Variants in SPAG16 observed in about 807,000 individuals in gnomAD.
The protein encoded by SPAG16 is sperm associated antigen 16.
A neutral mutation model predicts 80.4 loss-of-function variants in SPAG16; 86 were observed. The observed-to-expected ratio is 1.07, with a 90% CI of 0.90 to 1.28. SPAG16 has a LOEUF of 1.28. Among genes scored for constraint, SPAG16 ranks in the 50% most tolerant of loss-of-function variants. The probability of loss-of-function intolerance (pLI) is 0.00; values close to 1 mark genes in which losing one functional copy is unlikely to be tolerated. For missense variants in SPAG16, 870 were observed against 765.3 expected, an observed-to-expected ratio of 1.14 and a Z score of -1.61; for synonymous variants, 294 against 265.9, an observed-to-expected ratio of 1.11 and a Z score of -1.03.
intron 13 of SPAG16, among the ~76,000 whole-genome samples, chr2:214,059,775 A>G (rs1268691488): frequency 6.6e-6 from 1 of 151,450 alleles, no homozygotes; most frequent in Non-Finnish European, 1.5e-5. Flanking sequence ...TTTTCATTAT[A>G]TGTGCCCCCA....
At chr2:213,894,561 C>A (rs998594123) in intron 11 of SPAG16, among the ~76,000 whole-genome samples, 1 of 152,040 alleles carries the variant, frequency 6.6e-6, no homozygotes, top group African/African-American at 2.4e-5. Context: ...TACCACTTTA[C>A]CACTCTTATT....
At chr2:214,151,079 T>C (rs947733052) in intron 15 of SPAG16, among the ~76,000 whole-genome samples, 7 of 152,070 alleles carry the variant, frequency 4.6e-5, no homozygotes, top group Admixed American at 2.6e-4. Context: ...CAACCTGACC[T>C]TCCCATCCCT....
At chr2:213,911,384 A>G (rs1294003153) in intron 11 of SPAG16, among the ~76,000 whole-genome samples, 1 of 152,130 alleles carries the variant, frequency 6.6e-6, no homozygotes, top group Admixed American at 6.6e-5. Context: ...AGCTCAAGCA[A>G]TCTCCCTGCC....
intron 10 of SPAG16, among the ~76,000 whole-genome samples, chr2:213,763,060 A>G (rs1327664128): frequency 6.6e-6 from 1 of 152,224 alleles, no homozygotes; most frequent in Non-Finnish European, 1.5e-5. Flanking sequence ...CACCAGAGAA[A>G]TGCAAGTCAA....
intron 10 of SPAG16, among the ~76,000 whole-genome samples, chr2:213,705,228 A>G (rs900566996): frequency 2.0e-5 from 3 of 151,950 alleles, no homozygotes; most frequent in Non-Finnish European, 4.4e-5. Flanking sequence ...AGCCTGGGCA[A>G]CAGAGCAAGA....
intron 13 of SPAG16, among the ~76,000 whole-genome samples, chr2:214,081,888 G>A (rs1485753073): frequency 6.6e-6 from 1 of 151,668 alleles, no homozygotes; most frequent in Non-Finnish European, 1.5e-5. Context: ...AGAGGATTCA[G>A]GGAAAGAGGG....
chr2:213,795,804 G>T (rs926519439), intron 10 of SPAG16, among the ~76,000 whole-genome samples: 3 of 152,096 alleles, frequency 2.0e-5, no homozygotes, highest in East Asian at 3.9e-4. Context: ...CACATAAAAC[G>T]TACCTGCTTT....
At chr2:214,275,675 T>A (rs940438652) in intron 15 of SPAG16, among the ~76,000 whole-genome samples, 1 of 152,232 alleles carries the variant, frequency 6.6e-6, no homozygotes, top group African/African-American at 2.4e-5. Context: ...TTGTGATTTC[T>A]GTTCTTTTAC....
At chr2:214,119,701 T>C (rs913383493) in intron 14 of SPAG16, among the ~76,000 whole-genome samples, 3 of 152,102 alleles carry the variant, frequency 2.0e-5, no homozygotes, top group Non-Finnish European at 4.4e-5. Context: ...TTATTATTTC[T>C]TTGCCTATAA....
chr2:214,369,981 AACT>A (rs908540782), intron 15 of SPAG16, among the ~76,000 whole-genome samples: 2 of 152,108 alleles, frequency 1.3e-5, no homozygotes, highest in African/African-American at 2.4e-5. Context: ...GAATGTTGAA[AACT>A]CTTTTTTCAA....
intron 10 of SPAG16, among the ~76,000 whole-genome samples, chr2:213,685,984 G>A (rs996829567): frequency 6.6e-6 from 1 of 152,160 alleles, no homozygotes; most frequent in Admixed American, 6.5e-5. Flanking sequence ...TTTAAAAAGT[G>A]TGAAATTTAA....
At chr2:214,274,225 T>C (rs1227357680) in intron 15 of SPAG16, among the ~76,000 whole-genome samples, 2 of 152,194 alleles carry the variant, frequency 1.3e-5, no homozygotes, top group East Asian at 3.9e-4. Flanking sequence ...TAATATACAA[T>C]CATGTCATCT....
intron 10 of SPAG16, among the ~76,000 whole-genome samples, chr2:213,761,411 A>G (rs2068649893): frequency 6.6e-6 from 1 of 152,214 alleles, no homozygotes; most frequent in South Asian, 2.1e-4. Flanking sequence ...AAATTCGACC[A>G]GAGATAAACA....
At chr2:214,322,601 T>C (rs565888385) in intron 15 of SPAG16, among the ~76,000 whole-genome samples, 28 of 151,936 alleles carry the variant, frequency 1.8e-4, no homozygotes, top group African/African-American at 6.0e-4. Context: ...AAAGTTGGGG[T>C]ATATTTTAGA....
intron 12 of SPAG16, among the ~76,000 whole-genome samples, chr2:213,944,671 G>A (rs941152474): frequency 4.0e-5 from 6 of 149,330 alleles, no homozygotes; most frequent in Admixed American, 4.0e-4. Context: ...GACATGAATT[G>A]TGGGGGGCTG....
chr2:213,691,555 A>T (rs1015300407), intron 10 of SPAG16, among the ~76,000 whole-genome samples: 12 of 152,168 alleles, frequency 7.9e-5, no homozygotes, highest in Admixed American at 3.3e-4. Flanking sequence ...GTGAGAGCCA[A>T]CTAGATCAGC....
intron 10 of SPAG16, among the ~76,000 whole-genome samples, chr2:213,515,421 C>T (rs2075383867): frequency 6.6e-6 from 1 of 152,158 alleles, no homozygotes; most frequent in Non-Finnish European, 1.5e-5. Context: ...ACCTCCCTAG[C>T]TAGTCTATTG....
intron 9 of SPAG16, among the ~76,000 whole-genome samples, chr2:213,377,114 C>T (rs955264241): frequency 6.6e-6 from 1 of 152,168 alleles, no homozygotes. Flanking sequence ...CTACCTTACA[C>T]TGAGTTGATA....
chr2:214,050,481 C>T (rs2049583786), intron 13 of SPAG16, among the ~76,000 whole-genome samples: 1 of 152,052 alleles, frequency 6.6e-6, no homozygotes, highest in Non-Finnish European at 1.5e-5. Flanking sequence ...AGAAGAGCTT[C>T]AAGTCGCTAT....
Sources: gnomAD v4.1 joint callset for allele counts (sites outside exome capture counted in the v4.1 genomes callset) on GRCh38, gnomAD v4.1.1 for gene constraint, MANE v1.5 for transcripts, NCBI Gene and HGNC (gene_info 2026-07-23, HGNC 2026-07-21) for gene names.